Variants in SLC30A7 observed in about 807,000 individuals in gnomAD.
SLC30A7 encodes solute carrier family 30 member 7.
SLC30A7 carries 35 observed loss-of-function variants against 46.0 expected under a neutral mutation model. The observed-to-expected ratio is 0.76, with a 90% confidence interval of 0.58 to 1.01. The LOEUF (loss-of-function observed/expected upper bound fraction) is 1.01. Among genes scored for constraint, SLC30A7 ranks in the 50% least tolerant of loss-of-function variants. SLC30A7 has a pLI of 0.00. For missense variants in SLC30A7, 464 were observed against 451.1 expected, an observed-to-expected ratio of 1.03 and a Z score of -0.26; for synonymous variants, 147 against 157.8, an observed-to-expected ratio of 0.93 and a Z score of 0.51.
chr1:100,911,231 T>C, intron 4 of SLC30A7, 81 bp downstream of exon 4: 1 of 912,254 alleles, frequency 1.1e-6, no homozygotes, highest in Non-Finnish European at 1.6e-6. Flanking sequence ...ATGTAAGTTT[T>C]TTTCAACTAT....
chr1:100,973,662 C>T (rs746540720), intron 10 of SLC30A7, among the ~76,000 whole-genome samples: 18 of 151,974 alleles, frequency 1.2e-4, no homozygotes, highest in African/African-American at 1.9e-4. Context: ...AGCTCTTGTA[C>T]CAAGCTTTAT....
chr1:100,992,629 T>G, the SLC30A7 span: 1 of 1,609,564 alleles, frequency 6.2e-7, no homozygotes, highest in Non-Finnish European at 8.5e-7. Flanking sequence ...TTCTAGTGTC[T>G]TGAGTACCTG....
intron 8 of SLC30A7, among the ~76,000 whole-genome samples, chr1:100,932,858 T>TA (rs1371714599): frequency 6.6e-6 from 1 of 152,214 alleles, no homozygotes; most frequent in Non-Finnish European, 1.5e-5. Flanking sequence ...GTTGATGTCT[T>TA]ACCTCTGTTT....
chr1:100,913,700 A>G lies in SLC30A7; in HGVS notation c.549A>G (p.Leu183=), dbSNP rs754913779. ...GTCATTCCCTCTTTAATGGTGCTCT[A>G]GATCAGGCACATGGCCATGTCGATC... The part of the protein sequence containing the change: ...GHSHSLFNGA[L]DQAHGHVDHC... Residue 183 remains leucine (L), a synonymous_variant, in exon 6 of 11, where the codon CTA becomes CTG. Coordinates refer to ENST00000357650, the MANE Select transcript of SLC30A7 (RefSeq NM_133496.5). 1.9e-6 allele frequency: 3 copies of G among 1,613,842 alleles called. No individual in the cohort carries two copies. The highest frequency in any genetic ancestry group is 1.7e-5 in the Admixed American group (1 of 59,992).
downstream of SLC30A7, among the ~76,000 whole-genome samples, chr1:100,983,374 G>GC (rs1456953513): frequency 1.2e-5 from 1 of 84,736 alleles, no homozygotes; most frequent in Non-Finnish European, 2.3e-5. Flanking sequence ...CTACTTTGAG[G>GC]CAAAAAAAAA....
intron 8 of SLC30A7, among the ~76,000 whole-genome samples, chr1:100,954,549 G>A (rs1655129595): frequency 6.6e-6 from 1 of 152,102 alleles, no homozygotes; most frequent in Admixed American, 6.6e-5. Context: ...AGTTCCAGAA[G>A]CTTATGGAAA....
chr1:100,919,670 G>T (rs181309058), intron 7 of SLC30A7, among the ~76,000 whole-genome samples: 1 of 152,080 alleles, frequency 6.6e-6, no homozygotes, highest in East Asian at 1.9e-4. Context: ...TGGAGGAAAG[G>T]AAGTTAGATT....
At chr1:100,955,233 G>A (rs933715009) in intron 8 of SLC30A7, among the ~76,000 whole-genome samples, 5 of 151,818 alleles carry the variant, frequency 3.3e-5, no homozygotes, top group African/African-American at 1.2e-4. Context: ...GAAGTAGTGA[G>A]GCTCTTTCAC....
At chr1:100,991,164 A>T in the SLC30A7 span, among the ~76,000 whole-genome samples, 1 of 152,366 alleles carries the variant, frequency 6.6e-6, no homozygotes, top group Admixed American at 6.5e-5. Context: ...AAGATAGTAG[A>T]TATGAGACTA....
chr1:100,922,635 G>A (rs964582339), intron 8 of SLC30A7, among the ~76,000 whole-genome samples: 7 of 152,180 alleles, frequency 4.6e-5, no homozygotes, highest in African/African-American at 1.7e-4. Flanking sequence ...TCTTGAGGAA[G>A]CATCTGCCTC....
chr1:100,954,191 C>T (rs1655107332), intron 8 of SLC30A7, among the ~76,000 whole-genome samples: 2 of 152,154 alleles, frequency 1.3e-5, no homozygotes, highest in African/African-American at 4.8e-5. Context: ...TTATTCTCTT[C>T]ACTCTAGAGA....
In SLC30A7 at chr1:100,905,213, A is replaced by G. The variant is rs146779990; in HGVS notation, c.183-1639A>G. On this transcript the variant is annotated intron_variant, in intron 2 of 10. Transcript: ENST00000357650. ...TTGACAGTATTTTTTTTCTCTTTCA[A>G]TACTTTAAAGGTGTTGCTCCATTGC... is the stretch of plus-strand genomic sequence containing the variant. 5.4e-3 allele frequency among the ~76,000 whole-genome samples: 823 copies of G among 151,868 alleles called. 6 individuals are homozygous for G. The highest frequency in any genetic ancestry group is 0.019 in the African/African-American group (774 of 41,376).
At chr1:100,931,228 G>A (rs2101045246) in intron 8 of SLC30A7, among the ~76,000 whole-genome samples, 1 of 152,238 alleles carries the variant, frequency 6.6e-6, no homozygotes, top group South Asian at 2.1e-4. Context: ...CACTTTCTTA[G>A]GATCTGAGGA....
chr1:100,942,142 A>G (rs188269908), intron 8 of SLC30A7: 1 of 176,438 alleles, frequency 5.7e-6, no homozygotes, highest in Non-Finnish European at 1.2e-5. Flanking sequence ...CTTCTTACCC[A>G]TCAGTAGATA....
downstream of SLC30A7, among the ~76,000 whole-genome samples, chr1:100,984,998 C>T (rs1657184415): frequency 6.6e-6 from 1 of 151,926 alleles, no homozygotes; most frequent in African/African-American, 2.4e-5. Context: ...ATAAAAAGAA[C>T]CAAATGGAAA....
chr1:100,925,540 A>AACTAAC (rs1212275004), intron 8 of SLC30A7, among the ~76,000 whole-genome samples: 1 of 152,248 alleles, frequency 6.6e-6, no homozygotes, highest in East Asian at 1.9e-4. Flanking sequence ...GAGACACAGA[A>AACTAAC]AAGTTAGAAA....
intron 7 of SLC30A7, among the ~76,000 whole-genome samples, chr1:100,920,401 G>A (rs1185797237): frequency 6.6e-6 from 1 of 151,796 alleles, no homozygotes; most frequent in Non-Finnish European, 1.5e-5. Flanking sequence ...GATAGGAACC[G>A]AATATTTATT....
At chr1:100,987,156 CT>C in the SLC30A7 span, among the ~76,000 whole-genome samples, 2 of 152,082 alleles carry the variant, frequency 1.3e-5, no homozygotes, top group African/African-American at 4.8e-5. Flanking sequence ...CCCTTGGTAG[CT>C]TTTTTCTTTT....
At position 100,979,307 on chromosome 1, in the gene SLC30A7, A is replaced by G. The variant is rs1656763096; in HGVS notation, c.*4450A>G. The G allele has an allele frequency of 6.6e-6, 1 of 151,910 alleles. No individual in the cohort carries two copies. The highest frequency in any genetic ancestry group is 6.6e-5 in the Admixed American group (1 of 15,252). The allele number at this position is 151,910 out of a possible 1,614,324, so 9.4% of individuals were successfully genotyped here. A position where few individuals can be genotyped will look rare whatever the true frequency, so the allele number is the denominator to read the frequency against. On this transcript the variant is annotated 3_prime_UTR_variant, in exon 11 of 11. Coordinates refer to ENST00000357650, the MANE Select transcript of SLC30A7 (RefSeq NM_133496.5). ...CTTTGGTAAAAAAAAAAATAAAAGG[A>G]AATTATATGTTTTTCTTTGGACATT...
Sources: gnomAD v4.1 joint callset for allele counts (sites outside exome capture counted in the v4.1 genomes callset) on GRCh38, gnomAD v4.1.1 for gene constraint, MANE v1.5 for transcripts, NCBI Gene and HGNC (gene_info 2026-07-23, HGNC 2026-07-21) for gene names.